The following TRIP10 variants were observed in gnomAD, a reference collection of about 807,000 sequenced individuals.
The protein encoded by TRIP10 is cdc42-interacting protein 4.
In TRIP10, 54 loss-of-function variants were observed where a neutral mutation model predicts 80.9. The ratio of observed to expected loss-of-function variants is 0.67; its 90% CI spans 0.54 to 0.84. The LOEUF (loss-of-function observed/expected upper bound fraction) is 0.84. TRIP10 is among the 40% of genes least tolerant of loss of function. The pLI is 0.00. For missense variants in TRIP10, 773 were observed against 815.3 expected (o/e 0.95, Z 0.63); for synonymous variants, 321 against 307.2 (o/e 1.04, Z -0.47).
rs1232140679 is a variant in TRIP10, at chr19:6,745,109, C to T, written c.984+115C>T. 8 of 1,369,142 alleles carry T rather than the reference C, an allele frequency of 5.8e-6. No homozygotes were observed. The highest frequency in any genetic ancestry group is 6.8e-6 in the Non-Finnish European group (7 of 1,036,894). The allele number at this position is 1,369,142 out of a possible 1,614,324, so 84.8% of individuals were successfully genotyped here. A position where few individuals can be genotyped will look rare whatever the true frequency, so the allele number is the denominator to read the frequency against. Reference sequence around the variant, plus strand: ...ACGCCGAGTCTCGGGCAGGAATTTTCCTCTTGGCTGCCAGCCCGGACTGGA... The same window carrying T: ...ACGCCGAGTCTCGGGCAGGAATTTTTCTCTTGGCTGCCAGCCCGGACTGGA... On this transcript the variant is annotated intron_variant, in intron 9 of 14. Coordinates refer to ENST00000313244, the MANE Select transcript of TRIP10 (RefSeq NM_001288962.2). This position sits in a 1 kb window ranked among gnomAD's most constrained non-coding sequence, Gnocchi z 7.2.
At position 6,744,415 on chromosome 19, in the gene TRIP10, C is replaced by A; in HGVS notation, c.643-139C>A. 1 of 1,291,904 alleles carries A rather than the reference C, an allele frequency of 7.7e-7. No individual in the cohort carries two copies. The highest frequency in any genetic ancestry group is 1.1e-6 in the Non-Finnish European group (1 of 928,456). The allele number at this position is 1,291,904 out of a possible 1,614,324, so 80.0% of individuals were successfully genotyped here. On this transcript the variant is annotated intron_variant, in intron 7 of 14. Coordinates refer to ENST00000313244, the MANE Select transcript of TRIP10 (RefSeq NM_001288962.2). The surrounding 1 kb of genome is among the most constrained non-coding windows in gnomAD (Gnocchi z 4.9). ...CCAACCACAGTGGGCTGGAGTCTCT[C>A]TTCCCGACTCTGTCTTCCCCTCCAG... is the stretch of plus-strand genomic sequence containing the variant.
At chr19:6,740,117 C>G (rs1292631874) in intron 1 of TRIP10, among the ~76,000 whole-genome samples, 1 of 152,202 alleles carries the variant, frequency 6.6e-6, no homozygotes, top group African/African-American at 2.4e-5. Context: ...TCTTACGGCC[C>G]CTGGGTCCCT....
intron 11 of TRIP10, among the ~76,000 whole-genome samples, chr19:6,749,191 C>A (rs1174025742): frequency 2.0e-5 from 3 of 152,132 alleles, no homozygotes; most frequent in Admixed American, 6.6e-5. Context: ...ATCCTTCCAC[C>A]TCAGCCTCCC....
chr19:6,741,274 G>C lies in TRIP10; in HGVS notation c.190G>C (p.Glu64Gln). The C allele has an allele frequency of 6.2e-7, 1 of 1,609,510 alleles. No homozygotes were observed. Among genetic ancestry groups the C allele is most frequent in the Non-Finnish European group, 8.5e-7 (1 of 1,177,788 alleles). The change falls in exon 3 of 15, where the codon GAG becomes CAG. Residue 64 changes from glutamate (E) to glutamine (Q), a missense_variant. By Grantham distance (29) the Glu-to-Gln change is conservative. Transcript: ENST00000313244. ...CAAGAGACCTGCCAAGGATGATCCT[G>C]AGTCCAAGTAAGGTTGGAGAGGGGC... ...LPKRPAKDDP[E>Q]SKFSQQQSFV...
intron 3 of TRIP10, among the ~76,000 whole-genome samples, chr19:6,742,263 G>A (rs536507515): frequency 6.6e-6 from 1 of 151,722 alleles, no homozygotes; most frequent in South Asian, 2.1e-4. Flanking sequence ...TGTGGTGCGC[G>A]CCTGTAATCC....
rs1361319827 is a variant in TRIP10, at chr19:6,751,396, A to G, written c.*185A>G. ...GGACGGACCCGCTGTGCCTTCTACC[A>G]TCGTTCCACCATTGATGTACATACT... On this transcript the variant is annotated 3_prime_UTR_variant, in exon 15 of 15. Coordinates refer to ENST00000313244, the MANE Select transcript of TRIP10 (RefSeq NM_001288962.2). 2.2e-6 allele frequency: 3 copies of G among 1,337,098 alleles called. No individual in the cohort carries two copies. The highest frequency in any genetic ancestry group is 1.5e-5 in the African/African-American group (1 of 66,210). The allele number at this position is 1,337,098 out of a possible 1,614,324, so 82.8% of individuals were successfully genotyped here.
intron 3 of TRIP10, among the ~76,000 whole-genome samples, 189 bp downstream of exon 3, chr19:6,741,470 C>T (rs1968917098): frequency 6.6e-6 from 1 of 152,164 alleles, no homozygotes; most frequent in Non-Finnish European, 1.5e-5. Flanking sequence ...GAGAAATTGA[C>T]TTGGGCTTGT....
chr19:6,750,692 C>A, intron 14 of TRIP10, 59 bp downstream of exon 14: 1 of 1,600,772 alleles, frequency 6.2e-7, no homozygotes. Flanking sequence ...TGGCTAGGTT[C>A]AGTTTAAATT....
chr19:6,749,884 A>C lies in TRIP10; in HGVS notation c.1263-50A>C, dbSNP rs138986662. ...CAAAACAAAACAACAGCAACAAAAA[A>C]ACTCACACGGAAGTATGTTTTCCTG... is the stretch of plus-strand genomic sequence containing the variant. On this transcript the variant is annotated intron_variant, in intron 11 of 14. Transcript: ENST00000313244. 5,413 of 1,583,102 alleles carry C rather than the reference A, an allele frequency of 3.4e-3. 24 individuals are homozygous for C. Among genetic ancestry groups the C allele is most frequent in the East Asian group, 9.9e-3 (441 of 44,558 alleles).
intron 11 of TRIP10, among the ~76,000 whole-genome samples, chr19:6,747,686 G>A (rs1442766212): frequency 6.6e-6 from 1 of 152,068 alleles, no homozygotes; most frequent in Admixed American, 6.6e-5. Flanking sequence ...CCAGCTACTC[G>A]GGAGGCTGAG....
chr19:6,740,078 T>C (rs1270320510), intron 1 of TRIP10, among the ~76,000 whole-genome samples: 2 of 151,984 alleles, frequency 1.3e-5, no homozygotes, highest in African/African-American at 4.8e-5. Flanking sequence ...GTCACCTATT[T>C]TGGGCGCCCT....
chr19:6,742,779 C>CA (rs151261595), intron 3 of TRIP10, among the ~76,000 whole-genome samples, 188 bp from the exon 4 acceptor site: 2,931 of 121,630 alleles, frequency 0.024, 99 homozygotes, highest in African/African-American at 0.082. Context: ...GACCCTGTCT[C>CA]AAAAAAAAAA....
At chr19:6,739,825 G>A (rs1402070282) in intron 1 of TRIP10, 40 bp downstream of exon 1, 1 of 1,433,562 alleles carries the variant, frequency 7.0e-7, no homozygotes. Context: ...CCCTTTGCTG[G>A]GGTCCAGGCA....
In TRIP10 at chr19:6,750,064, G is replaced by A. The variant is rs1342594497; in HGVS notation, c.1393G>A (p.Glu465Lys). ...GCTGAAATTGGAAGTGCAGAAGTAT[G>A]AGGTCAGGAAAGACCCTGGGGAGGG... ...ERLKLEVQKY[E>K]AWLAEAESRV... is the part of the protein sequence containing the mutation. The change falls in exon 12 of 15, where the codon GAG becomes AAG. Residue 465 changes from glutamate (E) to lysine (K), a missense_variant and splice_region_variant. Transcript: ENST00000313244. 1 of 1,612,024 alleles carries A rather than the reference G, an allele frequency of 6.2e-7. No individual in the cohort carries two copies.
In TRIP10 at chr19:6,746,041, C is replaced by T. The variant is rs1336772162; in HGVS notation, c.997C>T (p.Pro333Ser). Residue 333 changes from proline (P) to serine (S), a missense_variant, in exon 10 of 15, where the codon CCC becomes TCC. By Grantham distance (74) the Pro-to-Ser change is moderately conservative. Coordinates refer to ENST00000313244, the MANE Select transcript of TRIP10 (RefSeq NM_001288962.2). This position sits in a 1 kb window ranked among gnomAD's most constrained non-coding sequence, Gnocchi z 6.2. Reference protein sequence around the residue: ...FGKKNKPRPPPLSPLGGPVPS... With the variant: ...FGKKNKPRPPSLSPLGGPVPS... ...CCCCCGCCGGTAGCCTCGCCCCCCACCCCTCTCCCCCCTGGGGGGCCCCGT... is the reference window on the plus strand; with the variant it reads ...CCCCCGCCGGTAGCCTCGCCCCCCATCCCTCTCCCCCCTGGGGGGCCCCGT... 4.0e-6 allele frequency: 5 copies of T among 1,234,702 alleles called. No homozygotes were observed. The highest frequency in any genetic ancestry group is 5.4e-6 in the Non-Finnish European group (5 of 926,772). 76.5% of individuals were successfully genotyped at this position (1,234,702 alleles called of 1,614,324 possible).
In TRIP10 at chr19:6,745,525, T is replaced by G. The variant is rs982057875; in HGVS notation, c.985-504T>G. On this transcript the variant is annotated intron_variant, in intron 9 of 14. Coordinates refer to ENST00000313244, the MANE Select transcript of TRIP10 (RefSeq NM_001288962.2). This position sits in a 1 kb window ranked among gnomAD's most constrained non-coding sequence, Gnocchi z 7.2. ...TCTGATGCCCCTAACCCCTCTCATTTTCCTGCCTTCCACTCCCTCTCGGCT... is the reference window on the plus strand; with the variant it reads ...TCTGATGCCCCTAACCCCTCTCATTGTCCTGCCTTCCACTCCCTCTCGGCT... 7 of 979,230 alleles carry G rather than the reference T, an allele frequency of 7.1e-6. No individual in the cohort carries two copies. Among genetic ancestry groups the G allele is most frequent in the Admixed American group, 1.2e-4 (2 of 16,246 alleles). 60.7% of individuals were successfully genotyped at this position (979,230 alleles called of 1,614,324 possible). A position where few individuals can be genotyped will look rare whatever the true frequency, so the allele number is the denominator to read the frequency against.
At chr19:6,740,536 T>C (rs975652126) in intron 1 of TRIP10, 1 of 163,426 alleles carries the variant, frequency 6.1e-6, no homozygotes, top group Non-Finnish European at 1.3e-5. Context: ...GTCAGTGGGG[T>C]AAATTGAGTC....
chr19:6,743,512 C>T lies in TRIP10; in HGVS notation c.427C>T (p.Arg143Trp), dbSNP rs758457903. Residue 143 changes from arginine to tryptophan, a missense_variant, in exon 6 of 15, where the codon CGG becomes TGG. By Grantham distance (101) the Arg-to-Trp change is moderately radical (BLOSUM62 -3). Coordinates refer to ENST00000313244, the MANE Select transcript of TRIP10 (RefSeq NM_001288962.2). ...TACACAGAGTAAGCGTAAATTTGAGCGGGACTGCCGGGAGGCAGAGAAGGC... is the reference window on the plus strand; with the variant it reads ...TACACAGAGTAAGCGTAAATTTGAGTGGGACTGCCGGGAGGCAGAGAAGGC... ...QLENSKRKFE[R>W]DCREAEKAAQ... is the part of the protein sequence containing the mutation. 5.0e-6 allele frequency: 8 copies of T among 1,604,358 alleles called. No individual in the cohort carries two copies. Among genetic ancestry groups the T allele is most frequent in the Admixed American group, 1.7e-5 (1 of 59,332 alleles).
rs148182953 is a variant in TRIP10 at position 6,740,395 on chromosome 19, C to T, written c.24+610C>T. 3.1e-3 allele frequency among the ~76,000 whole-genome samples: 470 copies of T among 152,336 alleles called. 1 individual carries two copies. Among genetic ancestry groups the T allele is most frequent in the African/African-American group, 0.011 (449 of 41,576 alleles). ...CCCTGGAAGCCCCAGAAATTTCCCC[C>T]TATCCTAGCCGGACCTCTGACCCCT... On this transcript the variant is annotated intron_variant, in intron 1 of 14. Coordinates refer to ENST00000313244, the MANE Select transcript of TRIP10 (RefSeq NM_001288962.2).
Sources: gnomAD v4.1 joint callset for allele counts (sites outside exome capture counted in the v4.1 genomes callset) on GRCh38, gnomAD v4.1.1 for gene constraint, Gnocchi (gnomAD v3.1) non-coding constraint, MANE v1.5 for transcripts, NCBI Gene and HGNC (gene_info 2026-07-23, HGNC 2026-07-21) for gene names.